The following PALM2AKAP2 variants were observed in gnomAD, a reference collection of about 807,000 sequenced individuals.
The protein encoded by PALM2AKAP2 is PALM2 and AKAP2 fusion.
Under a neutral mutation model 71.5 loss-of-function variants are expected in PALM2AKAP2, and 37 were observed. The ratio of observed to expected loss-of-function variants is 0.52; its 90% CI spans 0.40 to 0.68. The LOEUF (loss-of-function observed/expected upper bound fraction) is 0.68, where lower values mean the gene tolerates loss of function less well. Ranked by LOEUF, PALM2AKAP2 falls within the 30% of genes least tolerant of loss-of-function variation. PALM2AKAP2 has a pLI of 0.00. For missense variants in PALM2AKAP2, 1,224 were observed against 1,191.8 expected (o/e 1.03, Z -0.40); for synonymous variants, 468 against 478.8 (o/e 0.98, Z 0.29).
intron 1 of PALM2AKAP2, among the ~76,000 whole-genome samples, chr9:109,691,282 A>G (rs888548100): frequency 6.6e-6 from 1 of 152,010 alleles, no homozygotes; most frequent in East Asian, 1.9e-4. Context: ...GAGAATCAGT[A>G]TCTGATTTAA....
chr9:109,680,036 G>A (rs1429967472), intron 1 of PALM2AKAP2, among the ~76,000 whole-genome samples: 2 of 152,152 alleles, frequency 1.3e-5, no homozygotes, highest in East Asian at 3.8e-4. Flanking sequence ...CAACTCATAT[G>A]TGCTAATGTT....
intron 6 of PALM2AKAP2, among the ~76,000 whole-genome samples, chr9:109,964,835 A>C (rs1261704780): frequency 6.6e-6 from 1 of 152,160 alleles, no homozygotes; most frequent in Non-Finnish European, 1.5e-5. Context: ...ACAGTTACAG[A>C]TTTTCAAGTC....
At chr9:109,650,498 C>A (rs1827210879) in intron 1 of PALM2AKAP2, among the ~76,000 whole-genome samples, 1 of 152,148 alleles carries the variant, frequency 6.6e-6, no homozygotes, top group Non-Finnish European at 1.5e-5. Context: ...CTCACTGCAG[C>A]CTTGAATTCC....
intron 1 of PALM2AKAP2, among the ~76,000 whole-genome samples, chr9:109,834,963 T>G (rs1460635552): frequency 6.6e-6 from 1 of 152,120 alleles, no homozygotes; most frequent in Non-Finnish European, 1.5e-5. Flanking sequence ...CTTTCAAGGA[T>G]GAACAATACT....
intron 1 of PALM2AKAP2, among the ~76,000 whole-genome samples, chr9:110,085,907 G>A (rs925360110): frequency 6.6e-5 from 10 of 152,116 alleles, no homozygotes; most frequent in Non-Finnish European, 1.5e-4. Flanking sequence ...AGGAGTTTGA[G>A]GCCAGACTGG....
chr9:109,915,069 C>T (rs1015379545), intron 3 of PALM2AKAP2, among the ~76,000 whole-genome samples: 2 of 152,186 alleles, frequency 1.3e-5, no homozygotes, highest in African/African-American at 4.8e-5. Flanking sequence ...GTTTTGTTTG[C>T]CCCAGATCTT....
chr9:109,734,727 C>T (rs1480167860), intron 1 of PALM2AKAP2, among the ~76,000 whole-genome samples: 1 of 152,060 alleles, frequency 6.6e-6, no homozygotes, highest in Non-Finnish European at 1.5e-5. Context: ...ATTAGCTATC[C>T]CAAAGGAAGA....
At chr9:109,898,137 T>A (rs541768185) in intron 3 of PALM2AKAP2, among the ~76,000 whole-genome samples, 7 of 152,328 alleles carry the variant, frequency 4.6e-5, no homozygotes, top group African/African-American at 1.7e-4. Flanking sequence ...TTGTTGTTAT[T>A]GTTGTTGTTG....
intron 1 of PALM2AKAP2, chr9:110,048,993 T>G (rs2132493933): frequency 8.5e-7 from 1 of 1,169,616 alleles, no homozygotes; most frequent in South Asian, 1.7e-5. Context: ...AAGGGCTTTT[T>G]GTGGTCCTTG....
At chr9:109,692,790 C>T (rs1827917647) in intron 1 of PALM2AKAP2, among the ~76,000 whole-genome samples, 1 of 151,894 alleles carries the variant, frequency 6.6e-6, no homozygotes, top group Admixed American at 6.6e-5. Context: ...ATGAACCTCC[C>T]TTGGTCATGA....
intron 1 of PALM2AKAP2, among the ~76,000 whole-genome samples, chr9:110,111,443 A>G (rs1055661685): frequency 1.3e-5 from 2 of 152,174 alleles, no homozygotes; most frequent in Non-Finnish European, 2.9e-5. Flanking sequence ...GAGCCATGTT[A>G]CTGAAATGAT....
chr9:110,090,749 C>G (rs140957455), intron 1 of PALM2AKAP2, among the ~76,000 whole-genome samples: 1 of 152,158 alleles, frequency 6.6e-6, no homozygotes, highest in African/African-American at 2.4e-5. Context: ...ACTGTAATAC[C>G]TTAGTACCTT....
intron 1 of PALM2AKAP2, among the ~76,000 whole-genome samples, chr9:109,790,627 G>A (rs1035641987): frequency 6.6e-6 from 1 of 152,046 alleles, no homozygotes; most frequent in Admixed American, 6.6e-5. Flanking sequence ...AGAGAGGCCG[G>A]GATTTAAGAA....
At chr9:109,860,922 A>C (rs1829289917) in intron 1 of PALM2AKAP2, among the ~76,000 whole-genome samples, 1 of 152,244 alleles carries the variant, frequency 6.6e-6, no homozygotes. Flanking sequence ...CATGGAAGGA[A>C]GTCAAAGCTG....
At chr9:109,820,292 C>T (rs1446775553) in intron 1 of PALM2AKAP2, among the ~76,000 whole-genome samples, 2 of 152,198 alleles carry the variant, frequency 1.3e-5, no homozygotes, top group Non-Finnish European at 2.9e-5. Flanking sequence ...AATCCTCAGT[C>T]TCGTTGCACA....
At chr9:109,704,990 C>A (rs1828120935) in intron 1 of PALM2AKAP2, among the ~76,000 whole-genome samples, 1 of 152,154 alleles carries the variant, frequency 6.6e-6, no homozygotes, top group Non-Finnish European at 1.5e-5. Context: ...AGCTGCAGGA[C>A]CTTGGTTGCA....
chr9:109,842,180 GA>G (rs895006544), intron 1 of PALM2AKAP2, among the ~76,000 whole-genome samples: 1 of 152,154 alleles, frequency 6.6e-6, no homozygotes, highest in African/African-American at 2.4e-5. Context: ...AGCAGTGTTA[GA>G]GTCCAAAGTC....
At chr9:109,920,482 C>T (rs754270547) in intron 3 of PALM2AKAP2, among the ~76,000 whole-genome samples, 13 of 151,260 alleles carry the variant, frequency 8.6e-5, no homozygotes, top group Admixed American at 5.3e-4. Flanking sequence ...TGGGTTCAAG[C>T]GGTTCTCCTG....
chr9:109,752,762 A>G (rs921145537), intron 1 of PALM2AKAP2, among the ~76,000 whole-genome samples: 2 of 152,146 alleles, frequency 1.3e-5, no homozygotes, highest in African/African-American at 4.8e-5. Context: ...CTTCATTTTG[A>G]AAGGATTACT....
Sources: gnomAD v4.1 joint callset for allele counts (sites outside exome capture counted in the v4.1 genomes callset) on GRCh38, gnomAD v4.1.1 for gene constraint, MANE v1.5 for transcripts, NCBI Gene and HGNC (gene_info 2026-07-23, HGNC 2026-07-21) for gene names.